The following STK32B variants were observed in gnomAD, a reference collection of about 807,000 sequenced individuals.
STK32B encodes serine/threonine-protein kinase 32B.
In STK32B, 43 loss-of-function variants were observed where a neutral mutation model predicts 52.6. The ratio of observed to expected loss-of-function variants is 0.82; its 90% CI spans 0.64 to 1.05. The LOEUF (loss-of-function observed/expected upper bound fraction) is 1.05. Ranked by LOEUF, STK32B falls within the 50% of genes least tolerant of loss-of-function variation. The pLI, the probability that STK32B is intolerant of heterozygous loss-of-function variation, is 0.00. For missense variants in STK32B, 621 were observed against 534.6 expected (o/e 1.16, Z -1.59); for synonymous variants, 238 against 204.3 (o/e 1.17, Z -1.41).
rs369363752 is a variant in STK32B, at chr4:5,168,412, C to T, written c.222C>T (p.Ile74=). 6.2e-7 allele frequency: 1 copy of T among 1,613,884 alleles called. No individual in the cohort carries two copies. Among genetic ancestry groups the T allele is most frequent in the South Asian group, 1.1e-5 (1 of 91,016 alleles). The part of the protein sequence containing the change: ...EVRNVFRELQ[I]MQGLEHPFLV... ...GGAATGTTTTCCGGGAGCTGCAGAT[C>T]ATGCAAGGGCTGGAGCACCCCTTCC... Residue 74 remains isoleucine (I), a synonymous_variant, in exon 3 of 12, where the codon ATC becomes ATT. Transcript: ENST00000282908.
At chr4:5,360,829 C>G (rs1338653933) in intron 4 of STK32B, among the ~76,000 whole-genome samples, 1 of 152,108 alleles carries the variant, frequency 6.6e-6, no homozygotes, top group African/African-American at 2.4e-5. Context: ...ACAACAACAA[C>G]AAAAACAAAA....
At chr4:5,307,036 G>T (rs1180869580) in intron 3 of STK32B, among the ~76,000 whole-genome samples, 1 of 152,052 alleles carries the variant, frequency 6.6e-6, no homozygotes, top group Non-Finnish European at 1.5e-5. Flanking sequence ...TCCTTTATAG[G>T]TTGCCTGATG....
In STK32B at chr4:5,460,382, T is replaced by G. The variant is rs756930147; in HGVS notation, c.909+154T>G. Among the ~76,000 whole-genome samples the G allele has an allele frequency of 6.6e-6, 1 of 152,186 alleles. No individual in the cohort carries two copies. Among genetic ancestry groups the G allele is most frequent in the Non-Finnish European group, 1.5e-5 (1 of 68,028 alleles). On this transcript the variant is annotated intron_variant, in intron 9 of 11. Coordinates refer to ENST00000282908, the MANE Select transcript of STK32B (RefSeq NM_018401.3). This position sits in a 1 kb window ranked among gnomAD's most constrained non-coding sequence, Gnocchi z 4.8. ...TGTCTTGCTGGAATTCAGGGTGAAC[T>G]TGGGCCTGATTTCCAGGGTCCCAGC...
intron 3 of STK32B, among the ~76,000 whole-genome samples, chr4:5,263,562 C>T (rs1367962287): frequency 6.6e-6 from 1 of 152,234 alleles, no homozygotes; most frequent in African/African-American, 2.4e-5. Flanking sequence ...ATCACCTGGC[C>T]TGGAAAACCA....
intron 2 of STK32B, among the ~76,000 whole-genome samples, chr4:5,166,079 T>C (rs536530682): frequency 6.6e-6 from 1 of 152,232 alleles, no homozygotes; most frequent in South Asian, 2.1e-4. Flanking sequence ...CATCGTCCTG[T>C]ATCTGCCTTG....
At chr4:5,172,436 G>C (rs77345285) in intron 3 of STK32B, among the ~76,000 whole-genome samples, 65,834 of 151,494 alleles carry the variant, frequency 0.43, 14,628 homozygotes, top group East Asian at 0.54. Context: ...TATGATATTG[G>C]CTGTGGGTTT....
chr4:5,184,695 A>AAAAAG (rs58321341), intron 3 of STK32B, among the ~76,000 whole-genome samples: 2,381 of 137,496 alleles, frequency 0.017, 103 homozygotes, highest in African/African-American at 0.06. Flanking sequence ...AAAAAAAAAA[A>AAAAAG]AAGAAGAAGA....
chr4:5,316,584 A>G (rs1577334211), intron 3 of STK32B, among the ~76,000 whole-genome samples: 2 of 6,438 alleles, frequency 3.1e-4, no homozygotes, highest in Non-Finnish European at 4.3e-4. Context: ...TATATAATAT[A>G]TAATATATAT....
chr4:5,487,946 C>A (rs931413566), intron 11 of STK32B, among the ~76,000 whole-genome samples: 1 of 152,050 alleles, frequency 6.6e-6, no homozygotes, highest in African/African-American at 2.4e-5. Context: ...GCTTTAGGAA[C>A]AAAGCAAGTC....
At chr4:5,372,079 G>T (rs1735282023) in intron 4 of STK32B, among the ~76,000 whole-genome samples, 1 of 152,264 alleles carries the variant, frequency 6.6e-6, no homozygotes, top group Admixed American at 6.5e-5. Flanking sequence ...ACAGCAGATG[G>T]CACAGAAGGG....
At chr4:5,498,886 T>A (rs879688915) in intron 11 of STK32B, 59 bp from the exon 12 acceptor site, 18 of 1,538,158 alleles carry the variant, frequency 1.2e-5, no homozygotes, top group Non-Finnish European at 1.5e-5. Context: ...GTGTGTCTCC[T>A]GGATGTGCCT....
chr4:5,462,352 G>A (rs1717098393), intron 9 of STK32B, among the ~76,000 whole-genome samples: 2 of 151,796 alleles, frequency 1.3e-5, no homozygotes, highest in African/African-American at 2.4e-5. Flanking sequence ...GTGTGCCTGT[G>A]TGTGTGCCTA....
At chr4:5,205,260 CA>C (rs1299090020) in intron 3 of STK32B, among the ~76,000 whole-genome samples, 1 of 152,156 alleles carries the variant, frequency 6.6e-6, no homozygotes, top group African/African-American at 2.4e-5. Context: ...GACTGAATCA[CA>C]ACACTAGCTT....
chr4:5,116,207 C>T (rs1023263355), intron 1 of STK32B, among the ~76,000 whole-genome samples: 3 of 152,184 alleles, frequency 2.0e-5, no homozygotes, highest in East Asian at 1.9e-4. Context: ...CACACGCACA[C>T]GGGATATTTT....
Position 5,269,309 on chromosome 4 carries a change from G to A in STK32B, c.261-61911G>A, listed in dbSNP as rs57200094. On this transcript the variant is annotated intron_variant, in intron 3 of 11. Transcript: ENST00000282908. ...CAGAATTCAAGAGGAATTGAGTAGA[G>A]AACATAGAAGGGTCTCAGGAATGGG... Among the ~76,000 whole-genome samples the A allele has an allele frequency of 3.5e-3, 530 of 152,276 alleles. 1 individual carries two copies. The highest frequency in any genetic ancestry group is 0.011 in the African/African-American group (474 of 41,540).
Position 5,193,288 on chromosome 4 carries a change from C to T in STK32B, c.260+24838C>T, listed in dbSNP as rs777315782. Among the ~76,000 whole-genome samples the T allele has an allele frequency of 3.9e-5, 6 of 152,164 alleles. No individual in the cohort carries two copies. In the East Asian group the frequency reaches 7.7e-4, roughly 20 times the overall value. On this transcript the variant is annotated intron_variant, in intron 3 of 11. Transcript: ENST00000282908. ...TCTCCTCTCCCTCGCCCCTCATCCT[C>T]CTTGCTCGGCAGATCATGAACCTTC...
intron 6 of STK32B, among the ~76,000 whole-genome samples, chr4:5,433,837 A>T (rs554318460): frequency 6.6e-6 from 1 of 152,312 alleles, no homozygotes; most frequent in Non-Finnish European, 1.5e-5. Flanking sequence ...TTTTAGTCTA[A>T]TGAGGGAGTA....
At chr4:5,436,516 C>G (rs1418812947) in intron 6 of STK32B, 3 of 873,974 alleles carry the variant, frequency 3.4e-6, no homozygotes, top group Non-Finnish European at 2.7e-6. Context: ...AAAACTGACT[C>G]TCTGGTCAGC....
At chr4:5,276,329 T>C (rs1727821325) in intron 3 of STK32B, among the ~76,000 whole-genome samples, 1 of 152,034 alleles carries the variant, frequency 6.6e-6, no homozygotes, top group Non-Finnish European at 1.5e-5. Flanking sequence ...GTTTATCACG[T>C]TTTCATGTCT....
Sources: gnomAD v4.1 joint callset for allele counts (sites outside exome capture counted in the v4.1 genomes callset) on GRCh38, gnomAD v4.1.1 for gene constraint, Gnocchi (gnomAD v3.1) non-coding constraint, MANE v1.5 for transcripts, NCBI Gene and HGNC (gene_info 2026-07-23, HGNC 2026-07-21) for gene names.